The following SATB1 variants were observed in gnomAD, a reference collection of about 807,000 sequenced individuals.
SATB1 encodes the protein DNA-binding protein SATB1.
SATB1 carries 11 observed loss-of-function variants against 86.9 expected under a neutral mutation model. That is an observed-to-expected ratio of 0.13 (90% CI 0.08 to 0.21). The LOEUF (loss-of-function observed/expected upper bound fraction) is 0.21, where lower values mean the gene tolerates loss of function less well. SATB1 is among the 10% of genes least tolerant of loss of function. The pLI, the probability that SATB1 is intolerant of heterozygous loss-of-function variation, is 1.00. For synonymous variants in SATB1, 357 were observed against 357.2 expected (o/e 1.00, Z 0.01); for missense variants, 551 against 937.6 (o/e 0.59, Z 5.39).
intron 9 of SATB1, among the ~76,000 whole-genome samples, chr3:18,374,636 A>C (rs1210274617): frequency 6.6e-6 from 1 of 152,210 alleles, no homozygotes; most frequent in African/African-American, 2.4e-5. Context: ...ATTAGAGTTA[A>C]AAACAATTCC....
Position 18,349,371 on chromosome 3 carries a change from C to T in SATB1, c.2091G>A (p.Arg697=), listed in dbSNP as rs150649147. The stretch of plus-strand genomic sequence containing the variant: ...GTTTGCCGTGGTGCTTGAGATAGTA[C>T]CGCTGGTTCTGAAAGAACTTGATGA... The part of the protein sequence containing the change: ...YTIIKFFQNQ[R]YYLKHHGKLK... Residue 697 remains arginine (R), a synonymous_variant, in exon 11 of 11, where the codon CGG becomes CGA. Transcript: ENST00000338745. This position sits in a 1 kb window ranked among gnomAD's most constrained non-coding sequence, Gnocchi z 5.5. 1 of 1,614,040 alleles carries T rather than the reference C, an allele frequency of 6.2e-7. No individual in the cohort carries two copies. The highest frequency in any genetic ancestry group is 1.3e-5 in the African/African-American group (1 of 74,920).
intron 8 of SATB1, among the ~76,000 whole-genome samples, chr3:18,384,012 A>G (rs944818272): frequency 5.9e-5 from 9 of 152,324 alleles, no homozygotes; most frequent in Non-Finnish European, 2.9e-5. Flanking sequence ...GATGGCCAGT[A>G]ATACTGCAGT....
chr3:18,352,390 A>C lies in SATB1; in HGVS notation c.1576-195T>G. 3.6e-6 allele frequency: 2 copies of C among 556,000 alleles called. No homozygotes were observed. The highest frequency in any genetic ancestry group is 4.6e-5 in the South Asian group (2 of 43,118). The allele number at this position is 556,000 out of a possible 1,614,324, so 34.4% of individuals were successfully genotyped here. On this transcript the variant is annotated intron_variant, in intron 9 of 10. Transcript: ENST00000338745. The surrounding 1 kb of genome is among the most constrained non-coding windows in gnomAD (Gnocchi z 4.1). ...GTCAAGGAGGCAGACTCTGTTTCTA[A>C]TCAAAGTTCAGATTTGCATCTCAAA...
chr3:18,433,966 G>C (rs1369976598), intron 2 of SATB1, among the ~76,000 whole-genome samples: 1 of 151,934 alleles, frequency 6.6e-6, no homozygotes, highest in African/African-American at 2.4e-5. Flanking sequence ...ATTTTGCAAA[G>C]ACTTTTCATT....
At chr3:18,417,443 G>A (rs888643746) in intron 2 of SATB1, 15 of 585,714 alleles carry the variant, frequency 2.6e-5, no homozygotes, top group South Asian at 2.1e-5. Flanking sequence ...TATACAGTAT[G>A]CAAACATAAC....
intron 9 of SATB1, among the ~76,000 whole-genome samples, chr3:18,376,801 C>T (rs961823062): frequency 1.3e-5 from 2 of 152,104 alleles, no homozygotes; most frequent in Non-Finnish European, 2.9e-5. Flanking sequence ...ATTACGGTGG[C>T]CTGATGTATG....
chr3:18,416,762 A>T lies in SATB1; in HGVS notation c.388+140T>A. Reference sequence around the variant, plus strand: ...AACTAAACCAAACTGAATTAAGCCAATTTTTTAAAGCCACAGCCTATAAGG... The same window carrying T: ...AACTAAACCAAACTGAATTAAGCCATTTTTTTAAAGCCACAGCCTATAAGG... On this transcript the variant is annotated intron_variant, in intron 3 of 10. Coordinates refer to ENST00000338745, the MANE Select transcript of SATB1 (RefSeq NM_002971.6). The T allele has an allele frequency of 3.6e-6, 3 of 832,834 alleles. No homozygotes were observed. The South Asian group carries it at 6.9e-5, about 19-fold the overall frequency. The allele number at this position is 832,834 out of a possible 1,614,324, so 51.6% of individuals were successfully genotyped here.
rs1423147384 is a variant in SATB1, at chr3:18,349,802, G to C, written c.1780-120C>G. ...ATATAGCTTCTTTGATAGGGATGAA[G>C]ATTTAGAAAGAAAAGGTAGGCCGGC... On this transcript the variant is annotated intron_variant, in intron 10 of 10. Coordinates refer to ENST00000338745, the MANE Select transcript of SATB1 (RefSeq NM_002971.6). This position sits in a 1 kb window ranked among gnomAD's most constrained non-coding sequence, Gnocchi z 5.5. 1.4e-6 allele frequency: 2 copies of C among 1,432,340 alleles called. No individual in the cohort carries two copies. Among genetic ancestry groups the C allele is most frequent in the East Asian group, 5.0e-5 (2 of 39,972 alleles). The allele number at this position is 1,432,340 out of a possible 1,614,324, so 88.7% of individuals were successfully genotyped here.
At chr3:18,369,140 GC>G (rs1695328719) in intron 9 of SATB1, among the ~76,000 whole-genome samples, 1 of 147,142 alleles carries the variant, frequency 6.8e-6, no homozygotes, top group Admixed American at 6.9e-5. Flanking sequence ...TGACTATAAA[GC>G]CTGAAGTAAC....
At chr3:18,368,417 T>C (rs1342672694) in intron 9 of SATB1, among the ~76,000 whole-genome samples, 1 of 152,006 alleles carries the variant, frequency 6.6e-6, no homozygotes, top group Non-Finnish European at 1.5e-5. Flanking sequence ...AGAAAAAATA[T>C]CAGATTTTAA....
chr3:18,374,940 C>T (rs562939668), intron 9 of SATB1, among the ~76,000 whole-genome samples: 9 of 152,228 alleles, frequency 5.9e-5, no homozygotes, highest in Admixed American at 5.2e-4. Context: ...GAATCCTGGG[C>T]TCAAAAGTTA....
chr3:18,384,104 C>T (rs1372244975), intron 8 of SATB1, among the ~76,000 whole-genome samples: 1 of 152,074 alleles, frequency 6.6e-6, no homozygotes, highest in Non-Finnish European at 1.5e-5. Context: ...TGGCTGAATA[C>T]CCTAGCTATG....
intron 9 of SATB1, among the ~76,000 whole-genome samples, chr3:18,376,638 G>C (rs1305846968): frequency 6.6e-6 from 1 of 152,194 alleles, no homozygotes; most frequent in East Asian, 1.9e-4. Context: ...GCATGTAAAT[G>C]AAGACATCTG....
intron 8 of SATB1, among the ~76,000 whole-genome samples, chr3:18,383,876 G>T (rs962303443): frequency 2.0e-5 from 3 of 152,090 alleles, no homozygotes; most frequent in African/African-American, 4.8e-5. Flanking sequence ...TTAAAGGGAA[G>T]AATGTGAACA....
intron 9 of SATB1, among the ~76,000 whole-genome samples, chr3:18,365,646 G>GA (rs926934291): frequency 4.6e-5 from 7 of 152,170 alleles, no homozygotes; most frequent in Non-Finnish European, 8.8e-5. Flanking sequence ...GGTAAGGGGG[G>GA]AGACAGGTAG....
chr3:18,402,112 A>T (rs962335850), intron 5 of SATB1, among the ~76,000 whole-genome samples: 12 of 152,122 alleles, frequency 7.9e-5, no homozygotes, highest in African/African-American at 2.9e-4. Context: ...GTTTCAAAAA[A>T]TTTTATTCTT....
chr3:18,422,518 T>C (rs1364298196), intron 1 of SATB1, among the ~76,000 whole-genome samples: 1 of 152,218 alleles, frequency 6.6e-6, no homozygotes, highest in Admixed American at 6.5e-5. Flanking sequence ...CTGTTTTTGG[T>C]TATGAGGTTC....
chr3:18,404,785 C>T (rs1697437498), intron 5 of SATB1, among the ~76,000 whole-genome samples: 1 of 148,056 alleles, frequency 6.8e-6, no homozygotes, highest in East Asian at 2.3e-4. Flanking sequence ...TTTCTTATCA[C>T]ACTGAAACCT....
chr3:18,398,726 C>CT (rs896337831), intron 5 of SATB1, among the ~76,000 whole-genome samples: 31 of 151,402 alleles, frequency 2.0e-4, no homozygotes, highest in Middle Eastern at 3.4e-3. Context: ...ACTGTGATAT[C>CT]TTTTTTTTTG....
Sources: allele counts gnomAD v4.1 joint callset (sites outside exome capture counted in the v4.1 genomes callset), GRCh38; gene constraint gnomAD v4.1.1; non-coding constraint Gnocchi (gnomAD v3.1); transcripts MANE v1.5; gene names NCBI Gene and HGNC (gene_info 2026-07-23, HGNC 2026-07-21).